Variants in MTHFD1L observed in about 807,000 individuals in gnomAD.
The protein encoded by MTHFD1L is methylenetetrahydrofolate dehydrogenase (NADP+ dependent) 1 like, also known as monofunctional C1-tetrahydrofolate synthase, mitochondrial.
Under a neutral mutation model 119.5 loss-of-function variants are expected in MTHFD1L, and 81 were observed. That is an observed-to-expected ratio of 0.68 (90% CI 0.57 to 0.82). MTHFD1L has a LOEUF of 0.82. MTHFD1L is among the 40% of genes least tolerant of loss of function. The pLI, the probability that MTHFD1L is intolerant of heterozygous loss-of-function variation, is 0.00. For synonymous variants in MTHFD1L, 430 were observed against 475.2 expected (o/e 0.90, Z 1.24); for missense variants, 1,125 against 1,253.4 (o/e 0.90, Z 1.55).
At chr6:151,023,380 A>G (rs1043129956) in intron 24 of MTHFD1L, among the ~76,000 whole-genome samples, 1 of 152,062 alleles carries the variant, frequency 6.6e-6, no homozygotes, top group Non-Finnish European at 1.5e-5. Flanking sequence ...ACCTTCTGCA[A>G]ACACACCTTA....
chr6:150,873,001 C>T (rs1483808053), intron 1 of MTHFD1L, among the ~76,000 whole-genome samples: 3 of 151,844 alleles, frequency 2.0e-5, no homozygotes, highest in South Asian at 2.1e-4. Flanking sequence ...TACTTTTTGA[C>T]GATTGCCGAC....
intron 26 of MTHFD1L, among the ~76,000 whole-genome samples, chr6:151,073,915 G>A (rs1354057133): frequency 6.6e-6 from 1 of 152,018 alleles, no homozygotes. Context: ...AAGAAATAAT[G>A]GGCAAAACGT....
intron 20 of MTHFD1L, among the ~76,000 whole-genome samples, chr6:150,982,700 C>G (rs183728168): frequency 2.1e-5 from 3 of 144,554 alleles, no homozygotes; most frequent in African/African-American, 7.5e-5. Flanking sequence ...CCTGACACTT[C>G]TTTTTTTTTT....
intron 21 of MTHFD1L, among the ~76,000 whole-genome samples, chr6:151,012,232 A>G (rs551192240): frequency 2.6e-5 from 4 of 151,706 alleles, no homozygotes; most frequent in East Asian, 3.9e-4. Context: ...GGCATGGTCT[A>G]TATGCAGGGA....
intron 24 of MTHFD1L, among the ~76,000 whole-genome samples, chr6:151,029,447 A>G (rs1201109257): frequency 6.6e-6 from 1 of 150,998 alleles, no homozygotes; most frequent in East Asian, 1.9e-4. Flanking sequence ...TAATATATAT[A>G]TACATATTAT....
Position 151,039,692 on chromosome 6 carries a change from G to A in MTHFD1L, c.2847+2575G>A, listed in dbSNP as rs867814255. On this transcript the variant is annotated intron_variant, in intron 26 of 27. Transcript: ENST00000367321. The surrounding 1 kb of genome is among the most constrained non-coding windows in gnomAD (Gnocchi z 4.4). ...AGCACTTTGGGAGGCCGAGGCGGGC[G>A]GATCACAAGGTCAGGAGTTCGAGAC... Among the ~76,000 whole-genome samples the A allele has an allele frequency of 6.6e-5, 10 of 152,238 alleles. No homozygotes were observed. Among genetic ancestry groups the A allele is most frequent in the South Asian group, 2.1e-4 (1 of 4,822 alleles).
At chr6:150,884,141 ATTTT>A (rs55821340) in intron 5 of MTHFD1L, among the ~76,000 whole-genome samples, 1 of 130,634 alleles carries the variant, frequency 7.7e-6, no homozygotes, top group African/African-American at 2.8e-5. Flanking sequence ...CCTCATCTCT[ATTTT>A]TTTTTTTTTT....
At chr6:151,065,763 C>G (rs920993111) in intron 26 of MTHFD1L, among the ~76,000 whole-genome samples, 1 of 152,260 alleles carries the variant, frequency 6.6e-6, no homozygotes, top group Non-Finnish European at 1.5e-5. Context: ...CATGCCCATC[C>G]TGTGCATAGG....
chr6:150,960,449 G>A (rs1796271824), intron 18 of MTHFD1L, 34 bp downstream of exon 18: 1 of 1,579,682 alleles, frequency 6.3e-7, no homozygotes, highest in East Asian at 2.3e-5. Context: ...TTCAGGGAGT[G>A]GACGGTCCTC....
chr6:150,883,894 C>A (rs190500111), intron 5 of MTHFD1L, among the ~76,000 whole-genome samples: 129 of 152,216 alleles, frequency 8.5e-4, no homozygotes, highest in African/African-American at 3.0e-3. Context: ...ATCCGGTAGA[C>A]CCTGCAGGGG....
Position 150,953,108 on chromosome 6 carries a change from T to C in MTHFD1L, c.1727-2887T>C, listed in dbSNP as rs140639680. On this transcript the variant is annotated intron_variant, in intron 16 of 27. Coordinates refer to ENST00000367321, the MANE Select transcript of MTHFD1L (RefSeq NM_015440.5). ...ACAAGCCTCCCTCAGCCTCAGGGAA[T>C]CAACCATCAAGTGGCTGGTTCCTTG... is the stretch of plus-strand genomic sequence containing the variant. Among the ~76,000 whole-genome samples the C allele has an allele frequency of 4.6e-5, 7 of 152,248 alleles. No individual in the cohort carries two copies. In the South Asian group the frequency reaches 1.5e-3, roughly 32 times the overall value.
Position 150,865,765 on chromosome 6 carries a change from C to G in MTHFD1L, c.-58C>G. On this transcript the variant is annotated 5_prime_UTR_variant, in exon 1 of 28. Coordinates refer to ENST00000367321, the MANE Select transcript of MTHFD1L (RefSeq NM_015440.5). ...CCGCCGCCTGCTCCCCTGGCACGCGCCCCGCCGCCCTCGGCAGCCGCAGCT... is the reference window on the plus strand; with the variant it reads ...CCGCCGCCTGCTCCCCTGGCACGCGGCCCGCCGCCCTCGGCAGCCGCAGCT... 8.2e-7 allele frequency: 1 copy of G among 1,219,822 alleles called. No individual in the cohort carries two copies. The allele number at this position is 1,219,822 out of a possible 1,614,324, so 75.6% of individuals were successfully genotyped here.
At chr6:151,037,505 A>G (rs1786364085) in intron 26 of MTHFD1L, among the ~76,000 whole-genome samples, 1 of 152,168 alleles carries the variant, frequency 6.6e-6, no homozygotes, top group Non-Finnish European at 1.5e-5. Flanking sequence ...ACCAGACAGG[A>G]TCTGCCCAGT....
In MTHFD1L at chr6:150,866,182, C is replaced by T. The variant is rs567531612; in HGVS notation, c.227+133C>T. 491 of 1,361,514 alleles carry T rather than the reference C, an allele frequency of 3.6e-4. 9 individuals carry two copies. In the South Asian group the frequency reaches 7.0e-3, roughly 19 times the overall value. The allele number at this position is 1,361,514 out of a possible 1,614,324, so 84.3% of individuals were successfully genotyped here. A position where few individuals can be genotyped will look rare whatever the true frequency, so the allele number is the denominator to read the frequency against. The stretch of plus-strand genomic sequence containing the variant: ...TTTGGTGCCAACTCATTAGGGGGGC[C>T]GGGCGGTGTGTCGGGAAACGCGGGC... On this transcript the variant is annotated intron_variant, in intron 1 of 27. Transcript: ENST00000367321.
intron 20 of MTHFD1L, among the ~76,000 whole-genome samples, chr6:150,974,708 C>T (rs904261039): frequency 4.7e-5 from 7 of 147,644 alleles, no homozygotes; most frequent in African/African-American, 1.5e-4. Flanking sequence ...TTGCAGCAGG[C>T]GTCAGAATTC....
intron 26 of MTHFD1L, among the ~76,000 whole-genome samples, chr6:151,067,668 G>A (rs73782704): frequency 0.062 from 9,374 of 152,252 alleles, 416 homozygotes; most frequent in Admixed American, 0.11. Flanking sequence ...CATGAGTAAT[G>A]GGTGCCAGAA....
intron 7 of MTHFD1L, among the ~76,000 whole-genome samples, chr6:150,892,124 AGTTT>A (rs1230425561): frequency 6.6e-6 from 1 of 152,184 alleles, no homozygotes; most frequent in African/African-American, 2.4e-5. Context: ...CAAGGGCAAT[AGTTT>A]GCACTTGAGA....
chr6:151,060,493 G>C (rs4869976), intron 26 of MTHFD1L, among the ~76,000 whole-genome samples: 1 of 152,186 alleles, frequency 6.6e-6, no homozygotes, highest in Non-Finnish European at 1.5e-5. Flanking sequence ...AAGAGCTGAC[G>C]TCTGGGACAG....
At chr6:150,918,298 G>A (rs1788329543) in intron 8 of MTHFD1L, among the ~76,000 whole-genome samples, 1 of 152,056 alleles carries the variant, frequency 6.6e-6, no homozygotes, top group African/African-American at 2.4e-5. Flanking sequence ...ACTGACCTCA[G>A]GTGATCCACC....
Sources: allele counts gnomAD v4.1 joint callset (sites outside exome capture counted in the v4.1 genomes callset), GRCh38; gene constraint gnomAD v4.1.1; non-coding constraint Gnocchi (gnomAD v3.1); transcripts MANE v1.5; gene names NCBI Gene and HGNC (gene_info 2026-07-23, HGNC 2026-07-21).